NDFIP1: variants seen among roughly 807,000 people sequenced by gnomAD.
The protein encoded by NDFIP1 is NEDD4 family-interacting protein 1.
A neutral mutation model predicts 28.8 loss-of-function variants in NDFIP1; 7 were observed. The observed-to-expected ratio is 0.24, with a 90% CI of 0.14 to 0.46. The LOEUF (loss-of-function observed/expected upper bound fraction) is 0.46, where lower values mean the gene tolerates loss of function less well. Ranked by LOEUF, NDFIP1 falls within the 20% of genes least tolerant of loss-of-function variation. The probability of loss-of-function intolerance (pLI) is 0.99; values close to 1 mark genes in which losing one functional copy is unlikely to be tolerated. For synonymous variants in NDFIP1, 92 were observed against 101.0 expected (o/e 0.91, Z 0.53); for missense variants, 194 against 269.1 (o/e 0.72, Z 1.95).
intron 1 of NDFIP1, among the ~76,000 whole-genome samples, chr5:142,116,940 G>T (rs1757074749): frequency 6.6e-6 from 1 of 151,998 alleles, no homozygotes; most frequent in Non-Finnish European, 1.5e-5. Context: ...CGAACTCCTG[G>T]CCTTAAGTGA....
At chr5:142,124,782 G>A (rs1446504031) in intron 1 of NDFIP1, among the ~76,000 whole-genome samples, 1 of 151,940 alleles carries the variant, frequency 6.6e-6, no homozygotes, top group Admixed American at 6.6e-5. Flanking sequence ...AATTGGTTTG[G>A]TGGGTTTTTC....
chr5:142,141,940 C>G (rs1048127195), intron 6 of NDFIP1, among the ~76,000 whole-genome samples: 3 of 152,032 alleles, frequency 2.0e-5, no homozygotes, highest in African/African-American at 7.2e-5. Context: ...TTAAGACCAG[C>G]CTGGGCAACA....
intron 1 of NDFIP1, among the ~76,000 whole-genome samples, chr5:142,119,868 G>A (rs1757105295): frequency 6.6e-6 from 1 of 152,092 alleles, no homozygotes; most frequent in African/African-American, 2.4e-5. Flanking sequence ...AAAATTGAAA[G>A]CGCTACAGAT....
rs534551667 is a variant in NDFIP1, at chr5:142,154,197, T to G, written c.*2469T>G. 2 of 152,422 alleles carry G rather than the reference T, an allele frequency of 1.3e-5. No individual in the cohort carries two copies. Among genetic ancestry groups the G allele is most frequent in the East Asian group, 3.8e-4 (2 of 5,326 alleles). The allele number at this position is 152,422 out of a possible 1,614,324, so 9.4% of individuals were successfully genotyped here. A position where few individuals can be genotyped will look rare whatever the true frequency, so the allele number is the denominator to read the frequency against. On this transcript the variant is annotated 3_prime_UTR_variant, in exon 8 of 8. Coordinates refer to ENST00000253814, the MANE Select transcript of NDFIP1 (RefSeq NM_030571.4). Reference sequence around the variant, plus strand: ...TATAATAAATGGTTTTGGAAAGGTATTCATAGGAACCGCGGTTATTTACTT... The same window carrying G: ...TATAATAAATGGTTTTGGAAAGGTAGTCATAGGAACCGCGGTTATTTACTT...
intron 1 of NDFIP1, among the ~76,000 whole-genome samples, chr5:142,129,561 TAGTC>T (rs1596788026): frequency 6.6e-6 from 1 of 152,182 alleles, no homozygotes; most frequent in African/African-American, 2.4e-5. Flanking sequence ...TTTGTAGTAT[TAGTC>T]AGAAAAATTT....
intron 3 of NDFIP1, among the ~76,000 whole-genome samples, chr5:142,134,305 A>G (rs1757253644): frequency 2.0e-5 from 3 of 152,244 alleles, no homozygotes; most frequent in African/African-American, 7.2e-5. Flanking sequence ...TAATATTATT[A>G]GATGTTACTT....
chr5:142,112,197 C>A (rs1757020818), intron 1 of NDFIP1, among the ~76,000 whole-genome samples: 1 of 151,964 alleles, frequency 6.6e-6, no homozygotes, highest in Non-Finnish European at 1.5e-5. Flanking sequence ...ACCATCCTGG[C>A]CAACATGTGA....
At chr5:142,136,433 A>G (rs563334365) in intron 4 of NDFIP1, among the ~76,000 whole-genome samples, 21 of 152,266 alleles carry the variant, frequency 1.4e-4, no homozygotes, top group African/African-American at 4.8e-4. Context: ...TATTTACTGG[A>G]CTATATATAT....
intron 1 of NDFIP1, among the ~76,000 whole-genome samples, chr5:142,123,962 A>G (rs1313936768): frequency 6.6e-6 from 1 of 152,206 alleles, no homozygotes; most frequent in Non-Finnish European, 1.5e-5. Flanking sequence ...TTCTTAATTT[A>G]AAATGCTATA....
rs187374493 is a variant in NDFIP1, at chr5:142,153,729, C to T, written c.*2001C>T. 245 of 189,258 alleles carry T rather than the reference C, an allele frequency of 1.3e-3. 1 individual carries two copies. Among genetic ancestry groups the T allele is most frequent in the Admixed American group, 3.1e-3 (57 of 18,266 alleles). 11.7% of individuals were successfully genotyped at this position (189,258 alleles called of 1,614,324 possible). A position where few individuals can be genotyped will look rare whatever the true frequency, so the allele number is the denominator to read the frequency against. The stretch of plus-strand genomic sequence containing the variant: ...GTAACAATCTGAATAGATGTGGACA[C>T]ATATAGCAGAGAGAACTATGTAAAT... On this transcript the variant is annotated 3_prime_UTR_variant, in exon 8 of 8. Coordinates refer to ENST00000253814, the MANE Select transcript of NDFIP1 (RefSeq NM_030571.4).
rs528108213 is a variant in NDFIP1 at position 142,111,680 on chromosome 5, A to G, written c.63+2643A>G. ...TAATGGAAAACTGTATGATTCATTC[A>G]TAAATGCAAACACAGTTTTGTCTTT... On this transcript the variant is annotated intron_variant, in intron 1 of 7. Transcript: ENST00000253814. Among the ~76,000 whole-genome samples, 6 of 152,368 alleles carry G rather than the reference A, an allele frequency of 3.9e-5. No homozygotes were observed. In the East Asian group the frequency reaches 1.2e-3, roughly 29 times the overall value.
intron 7 of NDFIP1, among the ~76,000 whole-genome samples, chr5:142,146,352 T>C (rs1447250265): frequency 6.6e-6 from 1 of 152,232 alleles, no homozygotes; most frequent in Non-Finnish European, 1.5e-5. Flanking sequence ...CTACAATGTG[T>C]CTTTGTTTAT....
intron 1 of NDFIP1, among the ~76,000 whole-genome samples, chr5:142,121,180 A>G (rs1757118876): frequency 6.6e-6 from 1 of 152,236 alleles, no homozygotes; most frequent in African/African-American, 2.4e-5. Flanking sequence ...TAGGAATTAC[A>G]TTGTGATCAA....
rs1757451433 is a variant in NDFIP1 at position 142,152,012 on chromosome 5, G to A, written c.*284G>A. ...ATTAATAATGCCTTATATATTGTTT[G>A]TAGTCATTTTAAGTAGCATGAGCCA... On this transcript the variant is annotated 3_prime_UTR_variant, in exon 8 of 8. Transcript: ENST00000253814. 6.5e-6 allele frequency: 1 copy of A among 152,846 alleles called. No individual in the cohort carries two copies. Among genetic ancestry groups the A allele is most frequent in the South Asian group, 2.1e-4 (1 of 4,816 alleles). The allele number at this position is 152,846 out of a possible 1,614,324, so 9.5% of individuals were successfully genotyped here.
intron 1 of NDFIP1, among the ~76,000 whole-genome samples, chr5:142,124,859 T>C (rs182339825): frequency 1.9e-4 from 29 of 151,818 alleles, no homozygotes; most frequent in Non-Finnish European, 3.1e-4. Context: ...GAGTCTCGCC[T>C]CTGTCGCCCA....
chr5:142,146,202 TA>T (rs34683574), intron 7 of NDFIP1, among the ~76,000 whole-genome samples: 16,280 of 152,248 alleles, frequency 0.11, 1,215 homozygotes, highest in East Asian at 0.37. Flanking sequence ...GTTTCATTAT[TA>T]AAAAAACTAG....
intron 1 of NDFIP1, among the ~76,000 whole-genome samples, chr5:142,120,057 G>A (rs1412327607): frequency 1.3e-5 from 2 of 152,198 alleles, no homozygotes; most frequent in East Asian, 1.9e-4. Context: ...CCGGGTTGAA[G>A]CAATTCTCCT....
intron 1 of NDFIP1, among the ~76,000 whole-genome samples, chr5:142,126,986 G>A (rs1190312329): frequency 4.9e-5 from 4 of 81,112 alleles, no homozygotes; most frequent in Non-Finnish European, 9.6e-5. Context: ...AGGTGATAAG[G>A]AGGGAAAAAA....
chr5:142,141,390 A>G (rs1028210388), intron 6 of NDFIP1, among the ~76,000 whole-genome samples: 1 of 151,534 alleles, frequency 6.6e-6, no homozygotes, highest in Admixed American at 6.6e-5. Flanking sequence ...GTTGGCCAGG[A>G]TGGTCTCGAT....
Sources: gnomAD v4.1 joint callset for allele counts (sites outside exome capture counted in the v4.1 genomes callset) on GRCh38, gnomAD v4.1.1 for gene constraint, MANE v1.5 for transcripts, NCBI Gene and HGNC (gene_info 2026-07-23, HGNC 2026-07-21) for gene names.